The following PAX5 variants were observed in gnomAD, a reference collection of about 807,000 sequenced individuals.
PAX5 encodes paired box 5.
PAX5 carries 9 observed loss-of-function variants against 43.7 expected under a neutral mutation model. The ratio of observed to expected loss-of-function variants is 0.21; its 90% CI spans 0.12 to 0.36. PAX5 has a LOEUF of 0.36. Ranked by LOEUF, PAX5 falls within the 10% of genes least tolerant of loss-of-function variation. The probability of loss-of-function intolerance (pLI) is 1.00; values close to 1 mark genes in which losing one functional copy is unlikely to be tolerated. For synonymous variants in PAX5, 228 were observed against 214.3 expected, an observed-to-expected ratio of 1.06 and a Z score of -0.56; for missense variants, 383 against 532.7, an observed-to-expected ratio of 0.72 and a Z score of 2.77.
At chr9:37,032,797 T>G (rs1183964697) in intron 1 of PAX5, among the ~76,000 whole-genome samples, 1 of 152,230 alleles carries the variant, frequency 6.6e-6, no homozygotes, top group African/African-American at 2.4e-5. Flanking sequence ...GGAGGCCTAC[T>G]GTCCCTGCTA....
chr9:37,025,620 G>A (rs1840265829), intron 1 of PAX5, among the ~76,000 whole-genome samples: 2 of 152,194 alleles, frequency 1.3e-5, no homozygotes, highest in Admixed American at 1.3e-4. Flanking sequence ...TGAAATCTCC[G>A]AATCTAATCC....
rs1830328194 is a variant in PAX5, at chr9:36,923,285, C to T, written c.910+70G>A. ...CACATCCAAACACACCAAGAAGCCA[C>T]TCTTCCCACCACACACTCCTATCTC... is the stretch of plus-strand genomic sequence containing the variant. On this transcript the variant is annotated intron_variant, in intron 7 of 9. Transcript: ENST00000358127. 2.6e-6 allele frequency: 4 copies of T among 1,540,250 alleles called. No homozygotes were observed. The East Asian group carries it at 6.8e-5, about 26-fold the overall frequency.
At chr9:37,003,438 C>G (rs1588198805) in intron 4 of PAX5, among the ~76,000 whole-genome samples, 1 of 152,284 alleles carries the variant, frequency 6.6e-6, no homozygotes, top group East Asian at 1.9e-4. Flanking sequence ...GAGGCATTAT[C>G]TCATTTAATT....
chr9:36,918,159 A>C (rs1829865870), intron 7 of PAX5, among the ~76,000 whole-genome samples: 1 of 152,182 alleles, frequency 6.6e-6, no homozygotes, highest in African/African-American at 2.4e-5. Flanking sequence ...TGTATCTCTC[A>C]CTTTAAATCA....
intron 7 of PAX5, chr9:36,923,068 C>T (rs746309814): frequency 2.7e-5 from 10 of 370,704 alleles, no homozygotes; most frequent in Middle Eastern, 6.9e-4. Context: ...GCCCCACCCA[C>T]GGGGGCCCCT....
At chr9:36,858,249 A>T (rs771911659) in intron 8 of PAX5, among the ~76,000 whole-genome samples, 1 of 152,212 alleles carries the variant, frequency 6.6e-6, no homozygotes, top group Non-Finnish European at 1.5e-5. Flanking sequence ...GTCTATTGCA[A>T]AAACAGATAC....
intron 8 of PAX5, among the ~76,000 whole-genome samples, chr9:36,874,110 C>G (rs1331267929): frequency 6.6e-6 from 1 of 152,178 alleles, no homozygotes; most frequent in Non-Finnish European, 1.5e-5. Flanking sequence ...CTTCTCCTCC[C>G]CGCTCCAGAA....
In PAX5 at chr9:36,840,100, T is replaced by C. The variant is rs1206703411; in HGVS notation, c.*460A>G. On this transcript the variant is annotated 3_prime_UTR_variant, in exon 10 of 10. Transcript: ENST00000358127. ...AAGATGTCCGGTGATGCACCAAGAGTGCGAGATGCATCATGGGTGGAGCAG... is the reference window on the plus strand; with the variant it reads ...AAGATGTCCGGTGATGCACCAAGAGCGCGAGATGCATCATGGGTGGAGCAG... The C allele has an allele frequency of 3.0e-6, 1 of 332,512 alleles. No individual in the cohort carries two copies. Among genetic ancestry groups the C allele is most frequent in the Admixed American group, 4.5e-5 (1 of 22,016 alleles). 20.6% of individuals were successfully genotyped at this position (332,512 alleles called of 1,614,324 possible). A position where few individuals can be genotyped will look rare whatever the true frequency, so the allele number is the denominator to read the frequency against.
Position 36,889,522 on chromosome 9 carries a change from G to A in PAX5, c.911-7417C>T, listed in dbSNP as rs139164528. 3.1e-3 allele frequency among the ~76,000 whole-genome samples: 470 copies of A among 152,284 alleles called. 6 individuals are homozygous for A. Among genetic ancestry groups the A allele is most frequent in the African/African-American group, 8.3e-3 (346 of 41,546 alleles). On this transcript the variant is annotated intron_variant, in intron 7 of 9. Coordinates refer to ENST00000358127, the MANE Select transcript of PAX5 (RefSeq NM_016734.3). ...ACAGATGTGGAAACTAAAACACAGC[G>A]AGATTAGGCACCTGCCCAAGTTCCC...
chr9:37,014,926 C>G, intron 3 of PAX5, 71 bp downstream of exon 3: 1 of 1,391,996 alleles, frequency 7.2e-7, no homozygotes, highest in Non-Finnish European at 1.0e-6. Context: ...TCAGGAAAGG[C>G]ACATGCAGAG....
intron 7 of PAX5, among the ~76,000 whole-genome samples, chr9:36,914,555 A>G (rs1326628947): frequency 5.3e-5 from 8 of 152,240 alleles, no homozygotes; most frequent in Admixed American, 3.3e-4. Flanking sequence ...ATTTAATTAT[A>G]CATAACTTTG....
At chr9:36,862,258 G>C (rs1026405626) in intron 8 of PAX5, among the ~76,000 whole-genome samples, 5 of 152,150 alleles carry the variant, frequency 3.3e-5, no homozygotes, top group Non-Finnish European at 5.9e-5. Flanking sequence ...CTGAGGAGGG[G>C]TGTGGGTGCG....
intron 5 of PAX5, among the ~76,000 whole-genome samples, chr9:36,968,909 ACACACACACATG>A (rs896499799): frequency 7.9e-5 from 12 of 152,158 alleles, no homozygotes; most frequent in South Asian, 6.2e-4. Flanking sequence ...GGTTCTATGC[ACACACACACATG>A]CACACACACA....
At chr9:37,026,605 C>A (rs1840403228) in intron 1 of PAX5, 2 of 1,349,934 alleles carry the variant, frequency 1.5e-6, no homozygotes, top group African/African-American at 1.5e-5. Context: ...GGCCGGCCCA[C>A]GCCGCCGCCT....
At chr9:36,880,068 A>C (rs1215017106) in intron 8 of PAX5, among the ~76,000 whole-genome samples, 2 of 152,256 alleles carry the variant, frequency 1.3e-5, no homozygotes, top group East Asian at 3.8e-4. Context: ...CGTTAAATGA[A>C]ATATGCTCCA....
intron 6 of PAX5, among the ~76,000 whole-genome samples, chr9:36,951,694 G>A (rs901810348): frequency 2.6e-5 from 4 of 152,000 alleles, no homozygotes; most frequent in South Asian, 2.1e-4. Flanking sequence ...TCTATTTATC[G>A]AGACTACTCA....
At chr9:36,877,860 C>T (rs981730460) in intron 8 of PAX5, among the ~76,000 whole-genome samples, 3 of 152,166 alleles carry the variant, frequency 2.0e-5, no homozygotes, top group African/African-American at 7.2e-5. Context: ...AAGGATCTTG[C>T]GATGGGGAGA....
chr9:36,834,822 C>T lies in PAX5; in HGVS notation c.*5738G>A, dbSNP rs912048963. 4.5e-5 allele frequency: 10 copies of T among 222,986 alleles called. No homozygotes were observed. Among genetic ancestry groups the T allele is most frequent in the Non-Finnish European group, 7.8e-5 (9 of 116,076 alleles). The allele number at this position is 222,986 out of a possible 1,614,324, so 13.8% of individuals were successfully genotyped here. A position where few individuals can be genotyped will look rare whatever the true frequency, so the allele number is the denominator to read the frequency against. ...TGATTTTGGGGACAAGGGCGACCAG[C>T]GGCCATAGCCACAGGGTCACAGGGT... On this transcript the variant is annotated 3_prime_UTR_variant, in exon 10 of 10. Coordinates refer to ENST00000358127, the MANE Select transcript of PAX5 (RefSeq NM_016734.3).
At chr9:37,016,519 A>C (rs1337101226) in intron 2 of PAX5, among the ~76,000 whole-genome samples, 1 of 152,180 alleles carries the variant, frequency 6.6e-6, no homozygotes, top group East Asian at 1.9e-4. Flanking sequence ...TTACAGTAAA[A>C]CCAAGACCAA....
Sources: allele counts gnomAD v4.1 joint callset (sites outside exome capture counted in the v4.1 genomes callset), GRCh38; gene constraint gnomAD v4.1.1; transcripts MANE v1.5; gene names NCBI Gene and HGNC (gene_info 2026-07-23, HGNC 2026-07-21).